The following AP4S1 variants were observed in gnomAD, a reference collection of about 807,000 sequenced individuals.
The protein encoded by AP4S1 is AP-4 complex subunit sigma-1.
Under a neutral mutation model 19.8 loss-of-function variants are expected in AP4S1, and 23 were observed. That is an observed-to-expected ratio of 1.16 (90% confidence interval 0.84 to 1.65). The LOEUF (loss-of-function observed/expected upper bound fraction) is 1.65. AP4S1 is among the 40% of genes most tolerant of loss of function. The probability of loss-of-function intolerance (pLI) is 0.00; values close to 1 mark genes in which losing one functional copy is unlikely to be tolerated. For synonymous variants in AP4S1, 46 were observed against 54.1 expected, an observed-to-expected ratio of 0.85 and a Z score of 0.66; for missense variants, 166 against 172.8, an observed-to-expected ratio of 0.96 and a Z score of 0.22.
At chr14:31,074,196 C>T (rs1887218244) in intron 4 of AP4S1, among the ~76,000 whole-genome samples, 1 of 151,506 alleles carries the variant, frequency 6.6e-6, no homozygotes, top group Non-Finnish European at 1.5e-5. Flanking sequence ...CATGGTGGCA[C>T]CTGCCTGTAA....
intron 4 of AP4S1, among the ~76,000 whole-genome samples, chr14:31,075,104 T>G (rs534831756): frequency 6.6e-6 from 1 of 152,222 alleles, no homozygotes; most frequent in African/African-American, 2.4e-5. Flanking sequence ...ACCCTACTGA[T>G]TTATCAAACA....
At chr14:31,025,852 C>A (rs1169996200) in intron 1 of AP4S1, 65 bp downstream of exon 1, 2 of 1,563,406 alleles carry the variant, frequency 1.3e-6, no homozygotes, top group East Asian at 2.4e-5. Context: ...CCCCACCCCC[C>A]GGCCGGGAAC....
upstream of AP4S1, chr14:31,025,148 GTTTGGT>G (rs1016281336): frequency 1.3e-5 from 2 of 152,194 alleles, no homozygotes; most frequent in Admixed American, 6.5e-5. Context: ...CGATCGTCTG[GTTTGGT>G]TTTTTTATAG....
intron 3 of AP4S1, among the ~76,000 whole-genome samples, chr14:31,070,969 G>C (rs1886967622): frequency 6.6e-6 from 1 of 152,010 alleles, no homozygotes; most frequent in Non-Finnish European, 1.5e-5. Flanking sequence ...GGAGAATGGT[G>C]TGAACCCAGG....
intron 5 of AP4S1, among the ~76,000 whole-genome samples, chr14:31,084,146 A>G (rs1319543394): frequency 6.6e-6 from 1 of 152,220 alleles, no homozygotes; most frequent in African/African-American, 2.4e-5. Flanking sequence ...CTAACAATAC[A>G]TAATCTTGTT....
chr14:31,079,845 A>C (rs1887547606), intron 4 of AP4S1, among the ~76,000 whole-genome samples: 1 of 151,664 alleles, frequency 6.6e-6, no homozygotes, highest in East Asian at 1.9e-4. Flanking sequence ...TCTTGAAATA[A>C]ATAAATAAAA....
chr14:31,072,701 A>G (rs1019562421), intron 3 of AP4S1, among the ~76,000 whole-genome samples: 6 of 152,200 alleles, frequency 3.9e-5, no homozygotes, highest in South Asian at 2.1e-4. Flanking sequence ...AGGTTTATCT[A>G]CATTTCCCCC....
chr14:31,064,558 A>G (rs1304424909), intron 1 of AP4S1, among the ~76,000 whole-genome samples: 1 of 152,022 alleles, frequency 6.6e-6, no homozygotes, highest in Admixed American at 6.6e-5. Context: ...CTGACCTCAA[A>G]TGATCCGTCT....
At chr14:31,079,368 T>G (rs1887518793) in intron 4 of AP4S1, among the ~76,000 whole-genome samples, 1 of 152,052 alleles carries the variant, frequency 6.6e-6, no homozygotes, top group Non-Finnish European at 1.5e-5. Flanking sequence ...GAATGTAAAC[T>G]GTGGAATTTG....
chr14:31,080,587 A>G lies in AP4S1; in HGVS notation c.306+3A>G. The G allele has an allele frequency of 6.2e-7, 1 of 1,613,530 alleles. No individual in the cohort carries two copies. Among genetic ancestry groups the G allele is most frequent in the African/African-American group, 1.3e-5 (1 of 75,040 alleles). On this transcript the variant is annotated splice_donor_region_variant and intron_variant, in intron 5 of 5. Transcript: ENST00000542754. ...CTGTCTTCCAGAGTGAATTAGATGT[A>G]TCCTTTTTCAATACTGTTTTCCACA...
intron 5 of AP4S1, among the ~76,000 whole-genome samples, chr14:31,089,454 G>C (rs946197013): frequency 6.6e-6 from 1 of 152,198 alleles, no homozygotes; most frequent in African/African-American, 2.4e-5. Context: ...CCCAAATCTA[G>C]AGTTAGAAAT....
intron 1 of AP4S1, among the ~76,000 whole-genome samples, chr14:31,065,072 C>A (rs1470185391): frequency 6.6e-6 from 1 of 152,216 alleles, no homozygotes; most frequent in Non-Finnish European, 1.5e-5. Flanking sequence ...GATATCACTA[C>A]TATTATTTCC....
chr14:31,035,571 G>C (rs1012062640), intron 1 of AP4S1, among the ~76,000 whole-genome samples: 3 of 150,550 alleles, frequency 2.0e-5, no homozygotes, highest in Non-Finnish European at 2.9e-5. Context: ...TTAAAAAAAA[G>C]ATGGTAATTC....
intron 1 of AP4S1, among the ~76,000 whole-genome samples, chr14:31,030,716 G>A (rs1275977064): frequency 6.6e-6 from 1 of 152,062 alleles, no homozygotes; most frequent in African/African-American, 2.4e-5. Flanking sequence ...GCTCCCTGCT[G>A]ATCCACTGTG....
intron 1 of AP4S1, among the ~76,000 whole-genome samples, chr14:31,064,467 G>T (rs1886608832): frequency 6.6e-6 from 1 of 152,080 alleles, no homozygotes; most frequent in African/African-American, 2.4e-5. Context: ...GATTACAGGT[G>T]TGCACCACCA....
chr14:31,072,096 A>C (rs1384327332), intron 3 of AP4S1, among the ~76,000 whole-genome samples: 2 of 151,796 alleles, frequency 1.3e-5, no homozygotes, highest in African/African-American at 4.8e-5. Context: ...ATGTGCCACC[A>C]TGCCCAGCTA....
At chr14:31,085,946 A>C in intron 5 of AP4S1, 2 of 537,974 alleles carry the variant, frequency 3.7e-6, no homozygotes, top group African/African-American at 2.1e-5. Context: ...AAGGGCATCA[A>C]TGCTGTGTGC....
chr14:31,078,024 G>A (rs369512338), intron 4 of AP4S1, among the ~76,000 whole-genome samples: 8 of 152,144 alleles, frequency 5.3e-5, no homozygotes, highest in Non-Finnish European at 7.3e-5. Context: ...GTGAGCCACC[G>A]TGCCCGGCCT....
intron 1 of AP4S1, among the ~76,000 whole-genome samples, chr14:31,057,334 GAAGCAGCTCCAGAATCCTTCCCA>G (rs1886175805): frequency 6.6e-6 from 1 of 152,110 alleles, no homozygotes; most frequent in South Asian, 2.1e-4. Context: ...TTTGAACCTG[GAAGCAGCTCCAGAATCCTTCCCA>G]AAGCAGCTAT....
Sources: allele counts gnomAD v4.1 joint callset (sites outside exome capture counted in the v4.1 genomes callset), GRCh38; gene constraint gnomAD v4.1.1; transcripts MANE v1.5; gene names NCBI Gene and HGNC (gene_info 2026-07-23, HGNC 2026-07-21).